Variants in PCDH9 observed in about 807,000 individuals in gnomAD.
The protein encoded by PCDH9 is protocadherin-9.
A neutral mutation model predicts 70.6 loss-of-function variants in PCDH9; 24 were observed. That is an observed-to-expected ratio of 0.34 (90% CI 0.25 to 0.48). The LOEUF (loss-of-function observed/expected upper bound fraction) is 0.48, where lower values mean the gene tolerates loss of function less well. Among genes scored for constraint, PCDH9 ranks in the 20% least tolerant of loss-of-function variants. PCDH9 has a pLI of 0.99. For missense variants in PCDH9, 1,281 were observed against 1,503.6 expected, an observed-to-expected ratio of 0.85 and a Z score of 2.45; for synonymous variants, 562 against 558.5, an observed-to-expected ratio of 1.01 and a Z score of -0.09.
At chr13:66,432,073 G>T (rs547638007) in intron 4 of PCDH9, among the ~76,000 whole-genome samples, 1 of 151,858 alleles carries the variant, frequency 6.6e-6, no homozygotes, top group Non-Finnish European at 1.5e-5. Flanking sequence ...CTTCTGTGCA[G>T]TTTCCTTTAC....
At chr13:66,843,956 T>A (rs986394853) in intron 3 of PCDH9, among the ~76,000 whole-genome samples, 1 of 152,156 alleles carries the variant, frequency 6.6e-6, no homozygotes, top group Non-Finnish European at 1.5e-5. Flanking sequence ...GTCCAATGCA[T>A]GATGGAACGA....
At chr13:66,539,932 G>A (rs1255624135) in intron 4 of PCDH9, among the ~76,000 whole-genome samples, 1 of 145,908 alleles carries the variant, frequency 6.9e-6, no homozygotes, top group Non-Finnish European at 1.5e-5. Context: ...GTGTAGTAGT[G>A]GAATCAAGCT....
chr13:67,183,853 A>C (rs1164290553), intron 2 of PCDH9, among the ~76,000 whole-genome samples: 2 of 152,220 alleles, frequency 1.3e-5, no homozygotes, highest in Non-Finnish European at 2.9e-5. Context: ...TTCAAGGAAC[A>C]AGAATTTAAA....
At chr13:66,623,548 CCCA>C (rs1438215288) in intron 4 of PCDH9, among the ~76,000 whole-genome samples, 1 of 152,206 alleles carries the variant, frequency 6.6e-6, no homozygotes, top group Admixed American at 6.5e-5. Flanking sequence ...AGGCAATCCC[CCCA>C]CCTCAGCCTC....
chr13:66,806,715 G>GA, intron 3 of PCDH9, among the ~76,000 whole-genome samples: 1 of 152,240 alleles, frequency 6.6e-6, no homozygotes, highest in African/African-American at 2.4e-5. Context: ...GTAAAATTGG[G>GA]ATAATAATAT....
chr13:66,389,777 A>G (rs1443272554), intron 4 of PCDH9, among the ~76,000 whole-genome samples: 12 of 152,194 alleles, frequency 7.9e-5, no homozygotes. Context: ...TTCCAGTTTC[A>G]TGAGGACTCA....
At chr13:66,611,245 G>A (rs2077290553) in intron 4 of PCDH9, among the ~76,000 whole-genome samples, 1 of 151,774 alleles carries the variant, frequency 6.6e-6, no homozygotes, top group African/African-American at 2.4e-5. Context: ...AGACTAACTG[G>A]CAAATTCACC....
intron 4 of PCDH9, among the ~76,000 whole-genome samples, chr13:66,523,832 T>A (rs1566390275): frequency 1.3e-5 from 2 of 152,122 alleles, no homozygotes; most frequent in Non-Finnish European, 2.9e-5. Context: ...AAACAATTTT[T>A]TATGATTTTT....
At chr13:67,176,117 G>C (rs561707435) in intron 2 of PCDH9, among the ~76,000 whole-genome samples, 1 of 152,132 alleles carries the variant, frequency 6.6e-6, no homozygotes, top group Non-Finnish European at 1.5e-5. Flanking sequence ...TCTGGCTAGC[G>C]AATGTGTCCA....
At chr13:66,383,101 C>T (rs1224149795) in intron 4 of PCDH9, among the ~76,000 whole-genome samples, 1 of 152,052 alleles carries the variant, frequency 6.6e-6, no homozygotes, top group African/African-American at 2.4e-5. Flanking sequence ...TTACAAAGCA[C>T]AATATAGTTC....
intron 3 of PCDH9, among the ~76,000 whole-genome samples, chr13:66,866,652 C>A (rs527741883): frequency 6.6e-6 from 1 of 151,844 alleles, no homozygotes; most frequent in South Asian, 2.1e-4. Context: ...CAAAAATTAG[C>A]CGGCCGTGGT....
intron 3 of PCDH9, among the ~76,000 whole-genome samples, chr13:66,819,196 C>T (rs373373940): frequency 6.6e-6 from 1 of 151,924 alleles, no homozygotes; most frequent in African/African-American, 2.4e-5. Flanking sequence ...AGAGAAAGCA[C>T]GAGAACCATT....
intron 3 of PCDH9, among the ~76,000 whole-genome samples, chr13:66,673,459 A>G (rs1441406159): frequency 6.6e-6 from 1 of 152,154 alleles, no homozygotes; most frequent in Non-Finnish European, 1.5e-5. Context: ...AAGTGGACTA[A>G]TACATTGGGA....
At chr13:67,217,284 C>A (rs1415883178) in intron 2 of PCDH9, 3 of 141,062 alleles carry the variant, frequency 2.1e-5, no homozygotes, top group East Asian at 2.1e-4. Context: ...AAAAAAAAAA[C>A]CTAATTCACT....
intron 4 of PCDH9, among the ~76,000 whole-genome samples, chr13:66,319,495 G>A (rs543943731): frequency 6.6e-6 from 1 of 151,444 alleles, no homozygotes; most frequent in Non-Finnish European, 1.5e-5. Context: ...GCATCTTTCA[G>A]TGTGCTGGCA....
At chr13:66,825,484 G>A (rs71449282) in intron 3 of PCDH9, among the ~76,000 whole-genome samples, 107 of 149,942 alleles carry the variant, frequency 7.1e-4, no homozygotes, top group African/African-American at 2.5e-3. Context: ...CTACAGGCGC[G>A]CGCCACCATG....
intron 3 of PCDH9, among the ~76,000 whole-genome samples, chr13:66,749,479 C>A (rs527524180): frequency 4.3e-4 from 65 of 152,074 alleles, no homozygotes; most frequent in Non-Finnish European, 7.9e-4. Flanking sequence ...AGCACTACAA[C>A]CTGAATTTGC....
chr13:66,932,681 T>TATATATATATATATAC (rs1313632174), intron 2 of PCDH9, among the ~76,000 whole-genome samples: 3,500 of 113,928 alleles, frequency 0.031, 67 homozygotes, highest in Non-Finnish European at 0.041. Flanking sequence ...TATATATATA[T>TATATATATATATATAC]ACACACACAC....
chr13:66,990,406 T>C, intron 2 of PCDH9, among the ~76,000 whole-genome samples: 1 of 151,780 alleles, frequency 6.6e-6, no homozygotes, highest in East Asian at 1.9e-4. Flanking sequence ...TAAAAGAATA[T>C]ATTAAGCAAA....
Sources: gnomAD v4.1 joint callset for allele counts (sites outside exome capture counted in the v4.1 genomes callset) on GRCh38, gnomAD v4.1.1 for gene constraint, MANE v1.5 for transcripts, NCBI Gene and HGNC (gene_info 2026-07-23, HGNC 2026-07-21) for gene names.